The following TMEM132D variants were observed in gnomAD, a reference collection of about 807,000 sequenced individuals.
The protein encoded by TMEM132D is mature OL transmembrane protein.
Under a neutral mutation model 62.3 loss-of-function variants are expected in TMEM132D, and 21 were observed. The ratio of observed to expected loss-of-function variants is 0.34; its 90% CI spans 0.24 to 0.49. The LOEUF is 0.49. TMEM132D is among the 20% of genes least tolerant of loss of function. The probability of loss-of-function intolerance (pLI) is 0.99; values close to 1 mark genes in which losing one functional copy is unlikely to be tolerated. For missense variants in TMEM132D, 1,346 were observed against 1,402.8 expected (o/e 0.96, Z 0.65); for synonymous variants, 621 against 575.6 (o/e 1.08, Z -1.13).
chr12:129,730,970 G>A (rs1869214709), intron 1 of TMEM132D, among the ~76,000 whole-genome samples: 1 of 152,010 alleles, frequency 6.6e-6, no homozygotes, highest in Non-Finnish European at 1.5e-5. Flanking sequence ...GCCTACGTGG[G>A]ACCTCACTTT....
At chr12:129,160,704 T>C (rs139908560) in intron 5 of TMEM132D, among the ~76,000 whole-genome samples, 49 of 152,344 alleles carry the variant, frequency 3.2e-4, no homozygotes, top group African/African-American at 1.1e-3. Flanking sequence ...TTGGATGCTT[T>C]AGAAGGACAT....
intron 5 of TMEM132D, among the ~76,000 whole-genome samples, chr12:129,153,477 G>C (rs1320789254): frequency 2.6e-5 from 4 of 152,048 alleles, no homozygotes; most frequent in African/African-American, 9.7e-5. Context: ...TGAAATGTCA[G>C]AACACTCCAG....
chr12:129,451,989 C>T (rs956556567), intron 3 of TMEM132D, among the ~76,000 whole-genome samples: 17 of 152,172 alleles, frequency 1.1e-4, no homozygotes, highest in African/African-American at 4.1e-4. Context: ...GCCATAGAGA[C>T]ATAAAGCCCA....
chr12:129,718,628 CTTTGA>C (rs1172059804), intron 1 of TMEM132D, among the ~76,000 whole-genome samples: 1 of 152,146 alleles, frequency 6.6e-6, no homozygotes, highest in African/African-American at 2.4e-5. Context: ...ATGTCAGACA[CTTTGA>C]TTTATTATGT....
intron 4 of TMEM132D, among the ~76,000 whole-genome samples, chr12:129,287,270 C>A (rs1247180676): frequency 1.3e-5 from 2 of 152,128 alleles, no homozygotes; most frequent in East Asian, 1.9e-4. Context: ...CTCTATAATC[C>A]ATGGCATAAA....
intron 1 of TMEM132D, among the ~76,000 whole-genome samples, chr12:129,720,803 C>G (rs894912031): frequency 6.6e-6 from 1 of 152,190 alleles, no homozygotes; most frequent in African/African-American, 2.4e-5. Flanking sequence ...ATCAACGTAT[C>G]AATAATCAAT....
At chr12:129,168,429 T>C (rs1024118967) in intron 5 of TMEM132D, among the ~76,000 whole-genome samples, 2 of 152,206 alleles carry the variant, frequency 1.3e-5, no homozygotes, top group African/African-American at 2.4e-5. Flanking sequence ...GTCACTTTCA[T>C]TCCTGCTCCT....
At chr12:129,561,275 A>T (rs181817968) in intron 2 of TMEM132D, among the ~76,000 whole-genome samples, 1 of 152,334 alleles carries the variant, frequency 6.6e-6, no homozygotes, top group African/African-American at 2.4e-5. Context: ...TCATCCAACC[A>T]ATATGAGAGC....
chr12:129,500,948 G>A (rs543037442), intron 3 of TMEM132D, among the ~76,000 whole-genome samples: 57 of 152,232 alleles, frequency 3.7e-4, no homozygotes, highest in African/African-American at 1.2e-3. Context: ...AATGAGCTTC[G>A]CTTCAAAACA....
intron 3 of TMEM132D, among the ~76,000 whole-genome samples, chr12:129,478,585 G>T (rs976419484): frequency 5.3e-5 from 8 of 152,198 alleles, no homozygotes; most frequent in African/African-American, 1.9e-4. Flanking sequence ...GACTGGGGCA[G>T]ATAGGGGTTT....
At chr12:129,175,652 G>C (rs938396748) in intron 5 of TMEM132D, among the ~76,000 whole-genome samples, 1 of 152,114 alleles carries the variant, frequency 6.6e-6, no homozygotes, top group Non-Finnish European at 1.5e-5. Flanking sequence ...AAGTTGCAGC[G>C]AGCCAAGATC....
intron 1 of TMEM132D, among the ~76,000 whole-genome samples, chr12:129,847,826 T>C (rs1052869420): frequency 2.0e-5 from 3 of 152,012 alleles, no homozygotes; most frequent in Non-Finnish European, 4.4e-5. Flanking sequence ...CTGACAACCC[T>C]AAAACTATCA....
At chr12:129,847,277 T>C in intron 1 of TMEM132D, among the ~76,000 whole-genome samples, 1 of 152,202 alleles carries the variant, frequency 6.6e-6, no homozygotes, top group East Asian at 1.9e-4. Context: ...GTCAACGTTA[T>C]TATGAGTTGT....
chr12:129,568,242 C>T (rs1477729638), intron 2 of TMEM132D, among the ~76,000 whole-genome samples: 1 of 152,212 alleles, frequency 6.6e-6, no homozygotes, highest in African/African-American at 2.4e-5. Flanking sequence ...TTTCCTAAGG[C>T]AGGCATTCCC....
intron 1 of TMEM132D, among the ~76,000 whole-genome samples, chr12:129,770,130 G>A (rs548434260): frequency 5.9e-4 from 55 of 93,182 alleles, no homozygotes; most frequent in Non-Finnish European, 9.2e-4. Context: ...ATTCTTTGTG[G>A]GTTTTTTTGG....
intron 4 of TMEM132D, among the ~76,000 whole-genome samples, chr12:129,318,059 T>C (rs1463138265): frequency 6.6e-6 from 1 of 152,208 alleles, no homozygotes; most frequent in Non-Finnish European, 1.5e-5. Context: ...TATCATTGTT[T>C]GGATTTCCTT....
Position 129,282,293 on chromosome 12 carries a change from C to G in TMEM132D, c.1299+55341G>C, listed in dbSNP as rs984191585. ...AGACCAGAGGGAGCTTATCCCTCCC[C>G]CTAGTTCCAACCCAGGCAGAGCCCG... On this transcript the variant is annotated intron_variant, in intron 4 of 8. Transcript: ENST00000422113. Among the ~76,000 whole-genome samples the G allele has an allele frequency of 5.3e-5, 8 of 152,272 alleles. No homozygotes were observed. In the East Asian group the frequency reaches 1.4e-3, roughly 26 times the overall value.
intron 3 of TMEM132D, among the ~76,000 whole-genome samples, chr12:129,339,776 G>A (rs972017958): frequency 5.9e-5 from 9 of 152,074 alleles, no homozygotes; most frequent in Non-Finnish European, 1.2e-4. Flanking sequence ...TGTGGGCCTC[G>A]CCTTCTGTTT....
chr12:129,277,803 A>C lies in TMEM132D; in HGVS notation c.1299+59831T>G, dbSNP rs555991820. Among the ~76,000 whole-genome samples the C allele has an allele frequency of 6.6e-6, 1 of 152,332 alleles. No homozygotes were observed. The highest frequency in any genetic ancestry group is 2.4e-5 in the African/African-American group (1 of 41,572). On this transcript the variant is annotated intron_variant, in intron 4 of 8. Transcript: ENST00000422113. This position sits in a 1 kb window ranked among gnomAD's most constrained non-coding sequence, Gnocchi z 4.2. The stretch of plus-strand genomic sequence containing the variant: ...TCCTCTGGTGACACTCATGATGTGA[A>C]TATGACAAAGTTTGGAAAATACTGA...
Sources: gnomAD v4.1 joint callset for allele counts (sites outside exome capture counted in the v4.1 genomes callset) on GRCh38, gnomAD v4.1.1 for gene constraint, Gnocchi (gnomAD v3.1) non-coding constraint, MANE v1.5 for transcripts, NCBI Gene and HGNC (gene_info 2026-07-23, HGNC 2026-07-21) for gene names.